MGAM2: variants seen among roughly 807,000 people sequenced by gnomAD.
MGAM2 encodes the protein probable maltase-glucoamylase 2.
Under a neutral mutation model 96.1 loss-of-function variants are expected in MGAM2, and 98 were observed. The ratio of observed to expected loss-of-function variants is 1.02; its 90% CI spans 0.87 to 1.21. MGAM2 has a LOEUF of 1.21. Among genes scored for constraint, MGAM2 ranks in the 50% most tolerant of loss-of-function variants. The probability of loss-of-function intolerance (pLI) is 0.00; values close to 1 mark genes in which losing one functional copy is unlikely to be tolerated. For synonymous variants in MGAM2, 749 were observed against 414.8 expected, an observed-to-expected ratio of 1.81 and a Z score of -9.79; for missense variants, 2,055 against 1,182.4, an observed-to-expected ratio of 1.74 and a Z score of -10.82.
At chr7:142,201,325 C>A (rs1013566934) in intron 45 of MGAM2, among the ~76,000 whole-genome samples, 2 of 151,986 alleles carry the variant, frequency 1.3e-5, no homozygotes, top group African/African-American at 4.8e-5. Context: ...CCACCTCGGC[C>A]TCCCAAAGTG....
chr7:142,207,249 CA>C lies in MGAM2; in HGVS notation c.5138-1323del. Among the ~76,000 whole-genome samples the C allele has an allele frequency of 2.0e-5, 3 of 152,102 alleles. No individual in the cohort carries two copies. The East Asian group carries it at 5.8e-4, about 29-fold the overall frequency. On this transcript the variant is annotated intron_variant, in intron 45 of 47. Coordinates refer to ENST00000477922, the MANE Select transcript of MGAM2 (RefSeq NM_001293626.2). ...GGCAAAGTGGCCTAAAAATCCTGAA[CA>C]GTGTGAGGAGATATTTAGATTTTAT... is the stretch of plus-strand genomic sequence containing the variant.
intron 14 of MGAM2, among the ~76,000 whole-genome samples, chr7:142,145,812 G>C (rs1318905070): frequency 6.6e-6 from 1 of 151,998 alleles, no homozygotes; most frequent in Non-Finnish European, 1.5e-5. Flanking sequence ...TACCCAATTG[G>C]CCCACATTTC....
Position 142,172,683 on chromosome 7 carries a change from A to G in MGAM2, c.3480A>G (p.Thr1160=), listed in dbSNP as rs2129090979. The G allele has an allele frequency of 4.3e-6, 3 of 705,222 alleles. No homozygotes were observed. The highest frequency in any genetic ancestry group is 1.5e-5 in the South Asian group (1 of 67,618). 43.7% of individuals were successfully genotyped at this position (705,222 alleles called of 1,614,324 possible). A position where few individuals can be genotyped will look rare whatever the true frequency, so the allele number is the denominator to read the frequency against. Residue 1160 remains threonine, a synonymous_variant, in exon 30 of 48, where the codon ACA becomes ACG. Coordinates refer to ENST00000477922, the MANE Select transcript of MGAM2 (RefSeq NM_001293626.2). ...CATTACAGCCCACTCCTGCTCTGAC[A>G]TACCGCACCACAGGAGGGATTTTGG... ...DVTLQPTPAL[T]YRTTGGILDF...
At chr7:142,114,176 AAGAAAGAAAG>A (rs1817291006) in intron 1 of MGAM2, among the ~76,000 whole-genome samples, 1 of 128,154 alleles carries the variant, frequency 7.8e-6, no homozygotes, top group South Asian at 2.8e-4. Context: ...GAAAGAAAGA[AAGAAAGAAAG>A]AAAGAAAGAA....
intron 17 of MGAM2, among the ~76,000 whole-genome samples, chr7:142,157,207 T>A (rs1238115929): frequency 6.6e-6 from 1 of 151,516 alleles, no homozygotes; most frequent in Admixed American, 6.6e-5. Context: ...TATAAGGCAA[T>A]GGATTTTTTT....
intron 43 of MGAM2, 87 bp from the exon 44 acceptor site, chr7:142,198,528 C>T (rs1461682565): frequency 8.0e-6 from 5 of 628,538 alleles, no homozygotes; most frequent in Admixed American, 2.4e-5. Context: ...AACATGCTTC[C>T]CAGGAAAGGA....
rs187291458 is a variant in MGAM2, at chr7:142,195,187, C to G, written c.4347-967C>G. On this transcript the variant is annotated intron_variant, in intron 37 of 47. Coordinates refer to ENST00000477922, the MANE Select transcript of MGAM2 (RefSeq NM_001293626.2). ...CATGTGACTACAGACACACGTGCAC[C>G]ACCCTGCCCAGCTAATTTTATTTTT... Among the ~76,000 whole-genome samples, 867 of 151,928 alleles carry G rather than the reference C, an allele frequency of 5.7e-3. 3 individuals carry two copies. The highest frequency in any genetic ancestry group is 0.01 in the Middle Eastern group (3 of 294).
chr7:142,116,935 C>T lies in MGAM2; in HGVS notation c.62C>T (p.Thr21Ile). ...LLIIFCLIVVTIDILLLLLVL... is the reference protein window; with the variant it reads ...LLIIFCLIVVIIDILLLLLVL... ...ATCATCTTCTGCTTAATTGTGGTGA[C>T]CATAGATATCCTCTTGCTGCTTCTT... Residue 21 changes from threonine (T) to isoleucine (I), a missense_variant, in exon 2 of 48, where the codon ACC becomes ATC. Coordinates refer to ENST00000477922, the MANE Select transcript of MGAM2 (RefSeq NM_001293626.2). 1 of 703,196 alleles carries T rather than the reference C, an allele frequency of 1.4e-6. No homozygotes were observed. The highest frequency in any genetic ancestry group is 2.6e-6 in the Non-Finnish European group (1 of 385,038). The allele number at this position is 703,196 out of a possible 1,614,324, so 43.6% of individuals were successfully genotyped here.
chr7:142,145,542 A>G (rs1795357928), intron 14 of MGAM2, among the ~76,000 whole-genome samples: 1 of 152,120 alleles, frequency 6.6e-6, no homozygotes, highest in African/African-American at 2.4e-5. Flanking sequence ...ATATGTGTGG[A>G]GGTGGCGGGT....
At chr7:142,160,419 T>A (rs1447034825) in intron 21 of MGAM2, among the ~76,000 whole-genome samples, 161 bp downstream of exon 21, 1 of 152,142 alleles carries the variant, frequency 6.6e-6, no homozygotes, top group Non-Finnish European at 1.5e-5. Flanking sequence ...AATTGGCATC[T>A]TAGTCCCTAT....
At chr7:142,188,637 A>C (rs1474368340) in intron 36 of MGAM2, among the ~76,000 whole-genome samples, 1 of 152,194 alleles carries the variant, frequency 6.6e-6, no homozygotes. Context: ...TTTGACTTGC[A>C]ATGGTCTGAC....
intron 13 of MGAM2, among the ~76,000 whole-genome samples, chr7:142,144,371 A>C (rs969311152): frequency 6.6e-6 from 1 of 152,230 alleles, no homozygotes; most frequent in African/African-American, 2.4e-5. Context: ...AATGATAAAG[A>C]ATATTTGTTT....
At chr7:142,176,110 G>T (rs57562066) in intron 32 of MGAM2, among the ~76,000 whole-genome samples, 27,022 of 123,564 alleles carry the variant, frequency 0.22, 2,747 homozygotes, top group East Asian at 0.41. Flanking sequence ...AAAAAAAAAG[G>T]GGGGGGCATC....
intron 45 of MGAM2, 72 bp from the exon 46 acceptor site, chr7:142,208,501 C>T: frequency 1.4e-6 from 1 of 693,230 alleles, no homozygotes; most frequent in Non-Finnish European, 2.6e-6. Context: ...TGGTTTCTGA[C>T]CACGCTCAAG....
In MGAM2 at chr7:142,132,022, A is replaced by T. The variant is rs549841895; in HGVS notation, c.512A>T (p.Tyr171Phe). The change falls in exon 6 of 48, where the codon TAC becomes TTC. Residue 171 changes from tyrosine to phenylalanine, a missense_variant. Physicochemically the swap from Tyr to Phe is conservative, Grantham distance 22. Coordinates refer to ENST00000477922, the MANE Select transcript of MGAM2 (RefSeq NM_001293626.2). Reference sequence around the variant, plus strand: ...GCTGATGCCTCCAATTTGAGCTATTACGTGGAGGTTACTGATAAACCTTTC... The same window carrying T: ...GCTGATGCCTCCAATTTGAGCTATTTCGTGGAGGTTACTGATAAACCTTTC... ...GIADASNLSY[Y>F]VEVTDKPFSI... 9.5e-5 allele frequency: 67 copies of T among 703,194 alleles called. 1 individual carries two copies. The South Asian group carries it at 9.9e-4, about 10-fold the overall frequency. The allele number at this position is 703,194 out of a possible 1,614,324, so 43.6% of individuals were successfully genotyped here.
intron 26 of MGAM2, among the ~76,000 whole-genome samples, chr7:142,167,729 C>G (rs955800555): frequency 3.3e-5 from 5 of 152,132 alleles, no homozygotes; most frequent in Non-Finnish European, 5.9e-5. Context: ...TGCTCCGACA[C>G]ACCTGGCTAA....
chr7:142,201,081 T>TTTTTTTTTTTTTTTTTTTTTTG (rs1797213380), intron 45 of MGAM2, among the ~76,000 whole-genome samples: 1 of 122,802 alleles, frequency 8.1e-6, no homozygotes, highest in Non-Finnish European at 1.7e-5. Context: ...CTTTTTTTTT[T>TTTTTTTTTTTTTTTTTTTTTTG]CTTTTTTTTT....
intron 37 of MGAM2, among the ~76,000 whole-genome samples, chr7:142,193,326 A>G (rs149419366): frequency 6.4e-4 from 97 of 152,128 alleles, no homozygotes; most frequent in Non-Finnish European, 1.1e-3. Context: ...TTAACTACTA[A>G]CCTGACAGTA....
At position 142,190,267 on chromosome 7, in the gene MGAM2, CTTT is replaced by C. The variant is rs58228482; in HGVS notation, c.4346+784_4346+786del. Among the ~76,000 whole-genome samples the C allele has an allele frequency of 7.9e-3, 826 of 104,210 alleles. 3 individuals carry two copies. The highest frequency in any genetic ancestry group is 0.026 in the South Asian group (76 of 2,976). The allele number at this position is 104,210 out of a possible 152,430, so 68.4% of individuals were successfully genotyped here. A position where few individuals can be genotyped will look rare whatever the true frequency, so the allele number is the denominator to read the frequency against. On this transcript the variant is annotated intron_variant, in intron 37 of 47. Transcript: ENST00000477922. The stretch of plus-strand genomic sequence containing the variant: ...TTTCTAAAAAGGCTGTACCATTTTA[CTTT>C]TTTTTTTTTTTTTTTTTTTTTGATG...
Sources: allele counts gnomAD v4.1 joint callset (sites outside exome capture counted in the v4.1 genomes callset), GRCh38; gene constraint gnomAD v4.1.1; transcripts MANE v1.5; gene names NCBI Gene and HGNC (gene_info 2026-07-23, HGNC 2026-07-21).